Variants in TCP11L2 observed in about 807,000 individuals in gnomAD.
The protein encoded by TCP11L2 is T-complex protein 11-like protein 2.
A neutral mutation model predicts 50.7 loss-of-function variants in TCP11L2; 39 were observed. The observed-to-expected ratio is 0.77, with a 90% CI of 0.60 to 1.01. TCP11L2 has a LOEUF of 1.01. Ranked by LOEUF, TCP11L2 falls within the 50% of genes least tolerant of loss-of-function variation. The probability of loss-of-function intolerance (pLI) is 0.00; values close to 1 mark genes in which losing one functional copy is unlikely to be tolerated. For synonymous variants in TCP11L2, 192 were observed against 219.3 expected (o/e 0.88, Z 1.10); for missense variants, 612 against 614.7 (o/e 1.00, Z 0.05).
At chr12:106,318,853 G>C (rs1481517967) in intron 4 of TCP11L2, among the ~76,000 whole-genome samples, 1 of 151,942 alleles carries the variant, frequency 6.6e-6, no homozygotes, top group Non-Finnish European at 1.5e-5. Flanking sequence ...TGGGACTACA[G>C]GCTCATGCCA....
Position 106,311,098 on chromosome 12 carries a change from AGT to A in TCP11L2, c.29_30del (p.Val10GlyfsTer9). ...AAAATGCCCTTCAATGGCGAGAAGCAGTGTGTGGGAGAGGACCAGCCAAGCGA... is the reference window on the plus strand; with the variant it reads ...AAAATGCCCTTCAATGGCGAGAAGCAGTGTGGGAGAGGACCAGCCAAGCGA... On this transcript the variant is annotated frameshift_variant, in exon 2 of 10. Coordinates refer to ENST00000299045, the MANE Select transcript of TCP11L2 (RefSeq NM_152772.3). LOFTEE classifies it high-confidence loss of function. 6.2e-7 allele frequency: 1 copy of A among 1,614,170 alleles called. No homozygotes were observed. Among genetic ancestry groups the A allele is most frequent in the South Asian group, 1.1e-5 (1 of 91,076 alleles).
chr12:106,336,256 C>A, intron 8 of TCP11L2, 43 bp downstream of exon 8: 1 of 1,549,496 alleles, frequency 6.5e-7, no homozygotes, highest in Admixed American at 1.9e-5. Flanking sequence ...TGTATTAAGG[C>A]TCTGCATGTG....
chr12:106,326,055 G>A (rs1241010192), intron 6 of TCP11L2: 1 of 152,156 alleles, frequency 6.6e-6, no homozygotes, highest in Non-Finnish European at 1.5e-5. Flanking sequence ...AAACTGAGAT[G>A]CCAGAGGTTG....
upstream of TCP11L2, among the ~76,000 whole-genome samples, chr12:106,300,689 G>C (rs1475422338): frequency 6.6e-6 from 1 of 152,158 alleles, no homozygotes; most frequent in African/African-American, 2.4e-5. Context: ...TCACAGAAGG[G>C]TTTTCAGATA....
Position 106,340,881 on chromosome 12 carries a change from G to A in TCP11L2, c.1198G>A (p.Val400Ile). 1 of 1,613,604 alleles carries A rather than the reference G, an allele frequency of 6.2e-7. No homozygotes were observed. The highest frequency in any genetic ancestry group is 1.7e-4 in the Middle Eastern group (1 of 6,056). The change falls in exon 9 of 10, where the codon GTT becomes ATT. Residue 400 changes from valine (V) to isoleucine (I), a missense_variant. Coordinates refer to ENST00000299045, the MANE Select transcript of TCP11L2 (RefSeq NM_152772.3). ...TATTGGTATTCAGACTTGTGTTGAG[G>A]TTAACAAGACCCTGATGGAAAGAGG... ...NSIGIQTCVEVNKTLMERGLP... is the reference protein window; with the variant it reads ...NSIGIQTCVEINKTLMERGLP...
intron 1 of TCP11L2, among the ~76,000 whole-genome samples, chr12:106,305,896 C>T (rs1299663635): frequency 2.0e-5 from 3 of 152,340 alleles, no homozygotes; most frequent in Non-Finnish European, 2.9e-5. Context: ...AGTGGGAGAA[C>T]ACTGCAGAAT....
At chr12:106,341,653 G>A (rs1647654836) in intron 9 of TCP11L2, among the ~76,000 whole-genome samples, 1 of 152,188 alleles carries the variant, frequency 6.6e-6, no homozygotes, top group African/African-American at 2.4e-5. Flanking sequence ...GCTGTCACTG[G>A]CACTAGTTTT....
At chr12:106,329,524 G>A (rs2035673663) in intron 6 of TCP11L2, 6 of 1,463,676 alleles carry the variant, frequency 4.1e-6, no homozygotes, top group East Asian at 2.5e-5. Context: ...ATCATCTGGG[G>A]CGTTTAAACA....
At chr12:106,316,685 G>A (rs1034907925) in intron 3 of TCP11L2, among the ~76,000 whole-genome samples, 4 of 152,022 alleles carry the variant, frequency 2.6e-5, no homozygotes, top group East Asian at 1.9e-4. Context: ...TGAAATTGTC[G>A]TATTCATTTT....
chr12:106,311,094 A>G lies in TCP11L2; in HGVS notation c.19A>G (p.Lys7Glu). The change falls in exon 2 of 10, where the codon AAG becomes GAG. Residue 7 changes from lysine to glutamate, a missense_variant. Lys to Glu is a moderately conservative substitution (Grantham distance 56). Transcript: ENST00000299045. MPFNGE[K>E]QCVGEDQPSD... ...ACGCAAAATGCCCTTCAATGGCGAG[A>G]AGCAGTGTGTGGGAGAGGACCAGCC... 6.2e-7 allele frequency: 1 copy of G among 1,614,114 alleles called. No individual in the cohort carries two copies. Among genetic ancestry groups the G allele is most frequent in the South Asian group, 1.1e-5 (1 of 91,066 alleles).
chr12:106,317,864 G>T (rs898456662), intron 3 of TCP11L2, among the ~76,000 whole-genome samples: 14 of 152,334 alleles, frequency 9.2e-5, no homozygotes, highest in Middle Eastern at 6.8e-3. Flanking sequence ...TATTTCACCA[G>T]TTTGGTCTGG....
At chr12:106,310,603 T>A (rs1159287374) in intron 1 of TCP11L2, among the ~76,000 whole-genome samples, 2 of 152,212 alleles carry the variant, frequency 1.3e-5, no homozygotes, top group Admixed American at 6.5e-5. Context: ...GAGGTTAGTC[T>A]TTCAGTCCAG....
intron 6 of TCP11L2, among the ~76,000 whole-genome samples, chr12:106,326,432 C>G (rs191873556): frequency 4.5e-4 from 69 of 152,284 alleles, no homozygotes; most frequent in African/African-American, 1.6e-3. Flanking sequence ...AGGGAGGAAG[C>G]AGACAGCTGG....
Position 106,346,314 on chromosome 12 carries a change from G to C in TCP11L2, c.1344G>C (p.Arg448Ser), listed in dbSNP as rs752127793. 1 of 1,612,592 alleles carries C rather than the reference G, an allele frequency of 6.2e-7. No homozygotes were observed. The highest frequency in any genetic ancestry group is 1.1e-5 in the South Asian group (1 of 91,048). ...IDKRIKLYMR[R>S]LLCLPSPQKC... ...AACGAATTAAGCTTTACATGAGAAG[G>C]CTACTTTGTCTTCCAAGCCCTCAAA... Residue 448 changes from arginine to serine, a missense_variant, in exon 10 of 10, where the codon AGG becomes AGC. By Grantham distance (110) the Arg-to-Ser change is moderately radical. Coordinates refer to ENST00000299045, the MANE Select transcript of TCP11L2 (RefSeq NM_152772.3).
intron 4 of TCP11L2, among the ~76,000 whole-genome samples, chr12:106,320,763 A>G (rs1284320729): frequency 6.6e-6 from 1 of 152,262 alleles, no homozygotes; most frequent in Non-Finnish European, 1.5e-5. Context: ...AAAGTCTTCG[A>G]TAGTCATACA....
chr12:106,331,681 G>A (rs1242040452), intron 6 of TCP11L2, among the ~76,000 whole-genome samples: 2 of 152,198 alleles, frequency 1.3e-5, no homozygotes. Context: ...GGAGACATTA[G>A]GTAACCTGCC....
At chr12:106,322,478 T>A (rs2035374882) in intron 5 of TCP11L2, among the ~76,000 whole-genome samples, 1 of 152,180 alleles carries the variant, frequency 6.6e-6, no homozygotes, top group African/African-American at 2.4e-5. Flanking sequence ...GGAGGGAGAT[T>A]GGGCCTTTAG....
intron 7 of TCP11L2, 27 bp from the exon 8 acceptor site, chr12:106,336,005 T>C (rs373238417): frequency 1.0e-5 from 16 of 1,549,350 alleles, no homozygotes; most frequent in Non-Finnish European, 1.4e-5. Context: ...ACCCTTTCTA[T>C]TTTTATATTT....
chr12:106,327,667 G>T (rs922252274), intron 6 of TCP11L2, among the ~76,000 whole-genome samples: 2 of 152,162 alleles, frequency 1.3e-5, no homozygotes, highest in African/African-American at 4.8e-5. Flanking sequence ...ATGTCCCCAA[G>T]TCACTCTGCC....
Sources: gnomAD v4.1 joint callset for allele counts (sites outside exome capture counted in the v4.1 genomes callset) on GRCh38, gnomAD v4.1.1 for gene constraint, MANE v1.5 for transcripts, NCBI Gene and HGNC (gene_info 2026-07-23, HGNC 2026-07-21) for gene names.